The following CSMD2 variants were observed in gnomAD, a reference collection of about 807,000 sequenced individuals.
CSMD2 encodes the protein CUB and Sushi multiple domains 2.
In CSMD2, 130 loss-of-function variants were observed where a neutral mutation model predicts 398.5. That is an observed-to-expected ratio of 0.33 (90% CI 0.28 to 0.38). The LOEUF (loss-of-function observed/expected upper bound fraction) is 0.38. Ranked by LOEUF, CSMD2 falls within the 10% of genes least tolerant of loss-of-function variation. The pLI is 1.00. For synonymous variants in CSMD2, 1,828 were observed against 1,908.5 expected, an observed-to-expected ratio of 0.96 and a Z score of 1.10; for missense variants, 3,829 against 4,764.9, an observed-to-expected ratio of 0.80 and a Z score of 5.78.
chr1:34,087,991 C>G (rs559155074), intron 2 of CSMD2, among the ~76,000 whole-genome samples: 1 of 152,318 alleles, frequency 6.6e-6, no homozygotes, highest in South Asian at 2.1e-4. Flanking sequence ...TGCCCCCCCG[C>G]CTCTGCTGCA....
chr1:33,933,238 T>G (rs1420710813), intron 4 of CSMD2, among the ~76,000 whole-genome samples: 2 of 152,144 alleles, frequency 1.3e-5, no homozygotes, highest in Non-Finnish European at 2.9e-5. Context: ...CCAACCTAAG[T>G]TGGCAGAGCA....
chr1:33,780,057 A>G (rs1453721171), intron 12 of CSMD2, among the ~76,000 whole-genome samples: 1 of 152,094 alleles, frequency 6.6e-6, no homozygotes, highest in Admixed American at 6.6e-5. Context: ...GGTTGGAGGG[A>G]GACCCTGAAG....
At chr1:33,623,756 G>A (rs1570982242) in intron 35 of CSMD2, among the ~76,000 whole-genome samples, 1 of 152,220 alleles carries the variant, frequency 6.6e-6, no homozygotes, top group South Asian at 2.1e-4. Context: ...CAGTCTCACT[G>A]ACTGTCTCCT....
At chr1:33,655,387 T>C (rs1291513602) in intron 27 of CSMD2, among the ~76,000 whole-genome samples, 1 of 152,180 alleles carries the variant, frequency 6.6e-6, no homozygotes, top group African/African-American at 2.4e-5. Context: ...CCAGGCACAG[T>C]TCTTATTGCT....
chr1:33,715,095 C>T (rs957706166), intron 20 of CSMD2, among the ~76,000 whole-genome samples: 2 of 152,174 alleles, frequency 1.3e-5, no homozygotes, highest in African/African-American at 2.4e-5. Flanking sequence ...CCTAGACAGG[C>T]TTCCCAGGAG....
At chr1:34,113,291 A>G (rs58562884) in intron 1 of CSMD2, among the ~76,000 whole-genome samples, 2,290 of 152,336 alleles carry the variant, frequency 0.015, 63 homozygotes, top group African/African-American at 0.053. Flanking sequence ...GAGTTGAGAG[A>G]GCCAGAGGTG....
intron 5 of CSMD2, among the ~76,000 whole-genome samples, chr1:33,909,409 C>T (rs952184416): frequency 5.3e-5 from 8 of 152,086 alleles, no homozygotes; most frequent in Admixed American, 2.6e-4. Context: ...CTGTTATTCC[C>T]CATCCTGTTC....
intron 25 of CSMD2, among the ~76,000 whole-genome samples, chr1:33,668,069 T>A (rs575348542): frequency 6.6e-6 from 1 of 152,218 alleles, no homozygotes; most frequent in African/African-American, 2.4e-5. Context: ...GGAAGTGGCA[T>A]TTAAGCAAGA....
rs367618453 is a variant in CSMD2, at chr1:33,623,608, A to G, written c.5626-142T>C. 2.9e-5 allele frequency: 18 copies of G among 629,142 alleles called. No individual in the cohort carries two copies. The East Asian group carries it at 4.1e-4, about 14-fold the overall frequency. 39.0% of individuals were successfully genotyped at this position (629,142 alleles called of 1,614,324 possible). On this transcript the variant is annotated intron_variant, in intron 35 of 70. Coordinates refer to ENST00000373381, the MANE Select transcript of CSMD2 (RefSeq NM_001281956.2). ...CCTAACACTGTGCTAGTCCCTTTCAATAAAAGTAAGATGCAGAACCGACTC... is the reference window on the plus strand; with the variant it reads ...CCTAACACTGTGCTAGTCCCTTTCAGTAAAAGTAAGATGCAGAACCGACTC...
rs498909 is a variant in CSMD2, at chr1:33,705,419, C to A, written c.3576+3670G>T. On this transcript the variant is annotated intron_variant, in intron 22 of 70. Transcript: ENST00000373381. Reference sequence around the variant, plus strand: ...CCATTATCTCCCCATTCCCTCAATCCCCTGGTAACCATAATTTTACTCGTT... The same window carrying A: ...CCATTATCTCCCCATTCCCTCAATCACCTGGTAACCATAATTTTACTCGTT... 3.0e-3 allele frequency among the ~76,000 whole-genome samples: 452 copies of A among 152,204 alleles called. 1 individual carries two copies. The highest frequency in any genetic ancestry group is 0.01 in the African/African-American group (432 of 41,534).
At chr1:33,654,573 G>C (rs1362061505) in intron 27 of CSMD2, among the ~76,000 whole-genome samples, 1 of 152,226 alleles carries the variant, frequency 6.6e-6, no homozygotes, top group Non-Finnish European at 1.5e-5. Flanking sequence ...CAGGAGCAGA[G>C]GGCTAGATAA....
At chr1:33,982,436 C>G (rs1239300012) in intron 3 of CSMD2, among the ~76,000 whole-genome samples, 1 of 152,182 alleles carries the variant, frequency 6.6e-6, no homozygotes, top group Non-Finnish European at 1.5e-5. Flanking sequence ...AGCCATTTAA[C>G]CACACCGTGC....
At chr1:33,967,455 G>T (rs1052447987) in intron 3 of CSMD2, among the ~76,000 whole-genome samples, 8 of 141,430 alleles carry the variant, frequency 5.7e-5, no homozygotes, top group African/African-American at 1.1e-4. Flanking sequence ...GTGAACCCAG[G>T]CACAAGTGTG....
chr1:33,775,564 AG>A (rs1212074582), intron 12 of CSMD2, among the ~76,000 whole-genome samples: 1 of 152,194 alleles, frequency 6.6e-6, no homozygotes, highest in Non-Finnish European at 1.5e-5. Flanking sequence ...TACATAACTA[AG>A]TGCCTGGCCT....
chr1:33,619,349 C>T (rs908791852), intron 37 of CSMD2, among the ~76,000 whole-genome samples: 3 of 152,170 alleles, frequency 2.0e-5, no homozygotes, highest in Non-Finnish European at 2.9e-5. Flanking sequence ...GAGGAGCCCA[C>T]GTGTATCCAG....
intron 25 of CSMD2, among the ~76,000 whole-genome samples, chr1:33,669,867 T>C (rs144513091): frequency 9.7e-4 from 147 of 152,154 alleles, no homozygotes; most frequent in Non-Finnish European, 1.8e-3. Context: ...GAGGCACAGA[T>C]AGAAGTAATG....
At chr1:33,648,074 G>A (rs510533) in intron 28 of CSMD2, among the ~76,000 whole-genome samples, 8,354 of 152,182 alleles carry the variant, frequency 0.055, 301 homozygotes, top group East Asian at 0.14. Flanking sequence ...ACAAAAGCAG[G>A]GCTTTTGGCC....
At chr1:33,948,143 C>A (rs966434072) in intron 3 of CSMD2, among the ~76,000 whole-genome samples, 15 of 152,194 alleles carry the variant, frequency 9.9e-5, no homozygotes, top group African/African-American at 3.6e-4. Flanking sequence ...GTTTGAGGAT[C>A]AGGAACAGTA....
At chr1:33,691,644 C>T (rs1416502793) in intron 25 of CSMD2, among the ~76,000 whole-genome samples, 2 of 152,182 alleles carry the variant, frequency 1.3e-5, no homozygotes, top group African/African-American at 4.8e-5. Context: ...ATCCTTAGCA[C>T]TTACTTCCTG....
Sources: gnomAD v4.1 joint callset for allele counts (sites outside exome capture counted in the v4.1 genomes callset) on GRCh38, gnomAD v4.1.1 for gene constraint, MANE v1.5 for transcripts, NCBI Gene and HGNC (gene_info 2026-07-23, HGNC 2026-07-21) for gene names.